The following GTF2IRD1 variants were observed in gnomAD, a reference collection of about 807,000 sequenced individuals.
The protein encoded by GTF2IRD1 is GTF2I repeat domain containing 1.
GTF2IRD1 carries 26 observed loss-of-function variants against 113.2 expected under a neutral mutation model. That is an observed-to-expected ratio of 0.23 (90% confidence interval 0.17 to 0.32). The LOEUF (loss-of-function observed/expected upper bound fraction) is 0.32, where lower values mean the gene tolerates loss of function less well. Among genes scored for constraint, GTF2IRD1 ranks in the 10% least tolerant of loss-of-function variants. The pLI is 1.00. For missense variants in GTF2IRD1, 864 were observed against 1,280.8 expected (o/e 0.67, Z 4.97); for synonymous variants, 484 against 529.1 (o/e 0.91, Z 1.17).
intron 1 of GTF2IRD1, among the ~76,000 whole-genome samples, chr7:74,466,632 G>A (rs1554330875): frequency 1.3e-5 from 2 of 152,142 alleles, no homozygotes; most frequent in Admixed American, 1.3e-4. Context: ...TCTCAGCTGG[G>A]TTGTCACTCC....
intron 8 of GTF2IRD1, among the ~76,000 whole-genome samples, chr7:74,525,327 T>C (rs977405168): frequency 6.6e-6 from 1 of 152,062 alleles, no homozygotes; most frequent in African/African-American, 2.4e-5. Context: ...CTGTGACACA[T>C]TGGGAACTTG....
At chr7:74,492,417 A>G (rs569387512) in intron 1 of GTF2IRD1, among the ~76,000 whole-genome samples, 47 of 151,496 alleles carry the variant, frequency 3.1e-4, no homozygotes, top group African/African-American at 1.0e-3. Flanking sequence ...TGATCTGCCC[A>G]CCTTGGCCTC....
intron 10 of GTF2IRD1, among the ~76,000 whole-genome samples, chr7:74,535,706 T>C (rs1798252581): frequency 6.6e-6 from 1 of 152,172 alleles, no homozygotes; most frequent in Admixed American, 6.5e-5. Flanking sequence ...TCCCACCAGC[T>C]GTGTGACTTT....
At chr7:74,523,967 G>T in intron 7 of GTF2IRD1, 104 bp from the exon 8 acceptor site, 1 of 760,916 alleles carries the variant, frequency 1.3e-6, no homozygotes, top group Non-Finnish European at 2.3e-6. Flanking sequence ...GGCTGGGGCC[G>T]GCCTCGGGGG....
chr7:74,458,994 C>T (rs1584438770), intron 1 of GTF2IRD1, among the ~76,000 whole-genome samples: 1 of 152,102 alleles, frequency 6.6e-6, no homozygotes, highest in East Asian at 1.9e-4. Flanking sequence ...ATTTTGGTAG[C>T]TCTCTCTCCA....
chr7:74,572,666 C>G (rs1685358035), intron 22 of GTF2IRD1: 4 of 398,480 alleles, frequency 1.0e-5, no homozygotes, highest in African/African-American at 8.7e-5. Context: ...GCCTCCCTCT[C>G]TCAGCCTTCC....
rs372619848 is a variant in GTF2IRD1, at chr7:74,459,946, G to A, written c.-7+5770G>A. On this transcript the variant is annotated intron_variant, in intron 1 of 26. Transcript: ENST00000424337. ...ATGATCTGGAGCGAGTTTGAATCGAGTGGAGCTGATTCACTGAATCTTGGC... is the reference window on the plus strand; with the variant it reads ...ATGATCTGGAGCGAGTTTGAATCGAATGGAGCTGATTCACTGAATCTTGGC... 2.6e-5 allele frequency among the ~76,000 whole-genome samples: 4 copies of A among 152,032 alleles called. No homozygotes were observed. The East Asian group carries it at 7.7e-4, about 29-fold the overall frequency.
intron 9 of GTF2IRD1, among the ~76,000 whole-genome samples, chr7:74,530,464 C>T (rs587667961): frequency 7.2e-4 from 107 of 147,650 alleles, no homozygotes; most frequent in Middle Eastern, 3.6e-3. Flanking sequence ...AATGCAGGCA[C>T]GGTGTCTGGC....
intron 1 of GTF2IRD1, among the ~76,000 whole-genome samples, chr7:74,490,125 C>T (rs2117212261): frequency 6.6e-6 from 1 of 152,258 alleles, no homozygotes; most frequent in South Asian, 2.1e-4. Context: ...CACCACCACA[C>T]CTGGCTAACT....
At chr7:74,581,540 A>G (rs1481038787) in intron 22 of GTF2IRD1, among the ~76,000 whole-genome samples, 1 of 152,184 alleles carries the variant, frequency 6.6e-6, no homozygotes, top group East Asian at 1.9e-4. Context: ...TCCCGTGAGC[A>G]GATTAGACTC....
chr7:74,566,839 C>CACT (rs1356545176), intron 22 of GTF2IRD1, among the ~76,000 whole-genome samples: 1 of 152,114 alleles, frequency 6.6e-6, no homozygotes, highest in African/African-American at 2.4e-5. Context: ...CAGGCTCTAC[C>CACT]ACTAGCCTAG....
At chr7:74,514,057 G>T (rs1796781692) in intron 3 of GTF2IRD1, among the ~76,000 whole-genome samples, 1 of 152,052 alleles carries the variant, frequency 6.6e-6, no homozygotes, top group African/African-American at 2.4e-5. Flanking sequence ...GGCCGCCTGG[G>T]TCCACAACTG....
At chr7:74,477,737 G>A (rs1554333815) in intron 1 of GTF2IRD1, among the ~76,000 whole-genome samples, 1 of 152,082 alleles carries the variant, frequency 6.6e-6, no homozygotes, top group African/African-American at 2.4e-5. Context: ...GGCATGGGTG[G>A]GTAGAGGTCG....
At chr7:74,577,560 C>T (rs1162954286) in intron 22 of GTF2IRD1, among the ~76,000 whole-genome samples, 1 of 152,198 alleles carries the variant, frequency 6.6e-6, no homozygotes, top group East Asian at 1.9e-4. Context: ...AATTCCCTGT[C>T]ATCTAATACA....
intron 1 of GTF2IRD1, among the ~76,000 whole-genome samples, chr7:74,480,615 C>G (rs1794682093): frequency 1.3e-5 from 2 of 152,112 alleles, no homozygotes; most frequent in South Asian, 2.1e-4. Context: ...GCCCGCCTGC[C>G]AGGAGCCAGG....
intron 9 of GTF2IRD1, among the ~76,000 whole-genome samples, chr7:74,534,138 G>A (rs927056270): frequency 9.8e-5 from 15 of 152,290 alleles, no homozygotes; most frequent in African/African-American, 3.6e-4. Flanking sequence ...GGAGAAGTTG[G>A]GCAAAAGCCC....
chr7:74,518,445 G>A, intron 5 of GTF2IRD1, 123 bp downstream of exon 5: 1 of 713,534 alleles, frequency 1.4e-6, no homozygotes, highest in Non-Finnish European at 2.3e-6. Flanking sequence ...GACCCTGGTG[G>A]TGAAAGCTCC....
chr7:74,550,533 G>T (rs1355312476), intron 17 of GTF2IRD1, among the ~76,000 whole-genome samples: 6 of 152,044 alleles, frequency 3.9e-5, no homozygotes, highest in African/African-American at 1.4e-4. Flanking sequence ...GCTGCAGTGA[G>T]CCCTGATTGC....
In GTF2IRD1 at chr7:74,538,676, G is replaced by C; in HGVS notation, c.1448-4G>C. The C allele has an allele frequency of 6.4e-7, 1 of 1,564,668 alleles. No homozygotes were observed. The highest frequency in any genetic ancestry group is 1.1e-5 in the South Asian group (1 of 90,038). ...TGACAGGATTCTTCCTTTCCTCCTT[G>C]CAGGAACCTCCGGGGAGCTGGGCGG... is the stretch of plus-strand genomic sequence containing the variant. On this transcript the variant is annotated splice_region_variant and splice_polypyrimidine_tract_variant and intron_variant, in intron 12 of 26. Transcript: ENST00000424337.
Sources: gnomAD v4.1 joint callset for allele counts (sites outside exome capture counted in the v4.1 genomes callset) on GRCh38, gnomAD v4.1.1 for gene constraint, MANE v1.5 for transcripts, NCBI Gene and HGNC (gene_info 2026-07-23, HGNC 2026-07-21) for gene names.